Variants in POLR3B observed in about 807,000 individuals in gnomAD.
POLR3B encodes DNA-directed RNA polymerase III subunit RPC2.
A neutral mutation model predicts 147.4 loss-of-function variants in POLR3B; 96 were observed. That is an observed-to-expected ratio of 0.65 (90% CI 0.55 to 0.77). POLR3B has a LOEUF of 0.77. POLR3B is among the 30% of genes least tolerant of loss of function. The pLI is 0.00. For synonymous variants in POLR3B, 461 were observed against 485.9 expected, an observed-to-expected ratio of 0.95 and a Z score of 0.67; for missense variants, 1,036 against 1,413.5, an observed-to-expected ratio of 0.73 and a Z score of 4.28.
At chr12:106,426,059 T>C (rs910564938) in intron 12 of POLR3B, among the ~76,000 whole-genome samples, 2 of 152,168 alleles carry the variant, frequency 1.3e-5, no homozygotes, top group African/African-American at 4.8e-5. Context: ...ATTATTTGTA[T>C]GGTTTCCAGA....
chr12:106,427,821 C>G (rs1239357250), intron 13 of POLR3B, among the ~76,000 whole-genome samples: 2 of 152,152 alleles, frequency 1.3e-5, no homozygotes, highest in African/African-American at 4.8e-5. Flanking sequence ...CAGTTCTCGG[C>G]AGCTGCTGTG....
chr12:106,369,239 G>A, intron 4 of POLR3B, 36 bp from the exon 5 acceptor site: 2 of 1,074,324 alleles, frequency 1.9e-6, no homozygotes, highest in East Asian at 2.4e-5. Flanking sequence ...GATCTTCGAA[G>A]AAGTATAATT....
intron 23 of POLR3B, among the ~76,000 whole-genome samples, chr12:106,492,612 A>G (rs963936609): frequency 6.6e-6 from 1 of 152,232 alleles, no homozygotes; most frequent in African/African-American, 2.4e-5. Flanking sequence ...GAGCAAGCCT[A>G]TTCTTAAATG....
At chr12:106,462,328 A>G (rs1324371587) in intron 22 of POLR3B, among the ~76,000 whole-genome samples, 2 of 151,890 alleles carry the variant, frequency 1.3e-5, no homozygotes, top group Non-Finnish European at 2.9e-5. Flanking sequence ...GCTCACTGCA[A>G]CCTCCACCTC....
intron 19 of POLR3B, among the ~76,000 whole-genome samples, chr12:106,445,406 G>A (rs1263405905): frequency 6.6e-6 from 1 of 152,186 alleles, no homozygotes; most frequent in Non-Finnish European, 1.5e-5. Flanking sequence ...GCTGAGCTGA[G>A]TCTTGGAAGA....
rs1027604328 is a variant in POLR3B at position 106,501,423 on chromosome 12, G to A, written c.3085G>A (p.Ala1029Thr). The change falls in exon 26 of 28, where the codon GCC (alanine) becomes ACC (threonine). Residue 1029 changes from alanine (A) to threonine (T), a missense_variant. By Grantham distance (58) the Ala-to-Thr change is moderately conservative. Coordinates refer to ENST00000228347, the MANE Select transcript of POLR3B (RefSeq NM_018082.6). ...KMHARARGPR[A>T]VLTRQPTEGR... ...GCATGCCCGGGCCCGGGGCCCACGA[G>A]CCGTCCTTACCAGGTAAGAGAAAAG... 1 of 1,603,656 alleles carries A rather than the reference G, an allele frequency of 6.2e-7. No individual in the cohort carries two copies. Among genetic ancestry groups the A allele is most frequent in the Non-Finnish European group, 8.5e-7 (1 of 1,170,446 alleles).
At position 106,376,431 on chromosome 12, in the gene POLR3B, C is replaced by T. The variant is rs771392826; in HGVS notation, c.477C>T (p.Asn159=). The T allele has an allele frequency of 5.6e-6, 9 of 1,611,676 alleles. No homozygotes were observed. The highest frequency in any genetic ancestry group is 5.0e-5 in the Admixed American group (3 of 59,992). Residue 159 remains asparagine, a synonymous_variant, in exon 7 of 28, where the codon AAC becomes AAT. Coordinates refer to ENST00000228347, the MANE Select transcript of POLR3B (RefSeq NM_018082.6). ...GKTPAEFAKL[N]ECPLDPGGYF... ...CGCCAGCAGAATTTGCCAAACTGAA[C>T]GAATGTCCCTTAGATCCAGGTATGT...
At chr12:106,416,992 CTG>C (rs908128692) in intron 12 of POLR3B, among the ~76,000 whole-genome samples, 1 of 152,212 alleles carries the variant, frequency 6.6e-6, no homozygotes, top group African/African-American at 2.4e-5. Flanking sequence ...CTCTCTGAAA[CTG>C]TGACCTCCTA....
At chr12:106,411,727 G>C (rs1046503487) in intron 12 of POLR3B, among the ~76,000 whole-genome samples, 1 of 152,102 alleles carries the variant, frequency 6.6e-6, no homozygotes, top group East Asian at 1.9e-4. Flanking sequence ...ACATGGTAGA[G>C]GTAGGTTAGT....
rs747184457 is a variant in POLR3B, at chr12:106,437,691, G to T, written c.1867G>T (p.Asp623Tyr). ...ELAQGYRNFE[D>Y]FLHESLVEYL... is the part of the protein sequence containing the mutation. ...CCAATATTTTCCCAGGAATTTTGAA[G>T]ATTTCTTACATGAGAGTCTGGTTGA... The change falls in exon 18 of 28, where the codon GAT becomes TAT. Residue 623 changes from aspartate to tyrosine, a missense_variant. Transcript: ENST00000228347. The T allele has an allele frequency of 6.3e-7, 1 of 1,587,014 alleles. No individual in the cohort carries two copies. The highest frequency in any genetic ancestry group is 1.7e-5 in the Admixed American group (1 of 59,926).
intron 23 of POLR3B, among the ~76,000 whole-genome samples, chr12:106,490,937 T>C (rs1281866183): frequency 1.3e-5 from 2 of 152,182 alleles, no homozygotes; most frequent in Non-Finnish European, 2.9e-5. Context: ...GTGAAAGTTA[T>C]CAGGAGACAG....
intron 23 of POLR3B, among the ~76,000 whole-genome samples, chr12:106,481,936 GGTTT>G (rs879601188): frequency 6.6e-5 from 10 of 151,850 alleles, no homozygotes; most frequent in African/African-American, 2.2e-4. Flanking sequence ...AGACTTCTTG[GGTTT>G]GTTTGTTTGT....
intron 6 of POLR3B, among the ~76,000 whole-genome samples, chr12:106,375,342 C>T (rs921640963): frequency 6.6e-6 from 1 of 152,120 alleles, no homozygotes; most frequent in Non-Finnish European, 1.5e-5. Context: ...GCAGATGTTA[C>T]CGTGAGGATT....
intron 23 of POLR3B, among the ~76,000 whole-genome samples, chr12:106,482,689 C>G (rs1290488166): frequency 6.6e-6 from 1 of 152,126 alleles, no homozygotes; most frequent in Non-Finnish European, 1.5e-5. Flanking sequence ...AACCATATCA[C>G]TTAGGTAAGT....
At chr12:106,397,191 T>C (rs999510272) in intron 10 of POLR3B, among the ~76,000 whole-genome samples, 4 of 151,844 alleles carry the variant, frequency 2.6e-5, no homozygotes, top group Non-Finnish European at 4.4e-5. Context: ...TCTTTAAACA[T>C]TGTTGATTAG....
In POLR3B at chr12:106,501,447, A is replaced by C; in HGVS notation, c.3098+11A>C. The C allele has an allele frequency of 6.7e-7, 1 of 1,488,274 alleles. No individual in the cohort carries two copies. The highest frequency in any genetic ancestry group is 9.4e-7 in the Non-Finnish European group (1 of 1,065,210). 92.2% of individuals were successfully genotyped at this position (1,488,274 alleles called of 1,614,324 possible). ...AGCCGTCCTTACCAGGTAAGAGAAA[A>C]GTACTTACAAAAAGAATTGATAATG... On this transcript the variant is annotated intron_variant, in intron 26 of 27. Transcript: ENST00000228347.
intron 23 of POLR3B, among the ~76,000 whole-genome samples, chr12:106,489,602 G>T (rs2038382955): frequency 6.6e-6 from 1 of 152,194 alleles, no homozygotes; most frequent in African/African-American, 2.4e-5. Flanking sequence ...CTTGTGGGAA[G>T]TAAGAAAATG....
At chr12:106,478,205 C>A (rs1468808657) in intron 23 of POLR3B, among the ~76,000 whole-genome samples, 1 of 152,026 alleles carries the variant, frequency 6.6e-6, no homozygotes, top group Non-Finnish European at 1.5e-5. Flanking sequence ...CCATGCCCGG[C>A]CAAAGCAGTG....
chr12:106,391,036 G>C (rs896533897), intron 9 of POLR3B, among the ~76,000 whole-genome samples: 2 of 152,186 alleles, frequency 1.3e-5, no homozygotes, highest in Non-Finnish European at 2.9e-5. Context: ...GGCAACATAA[G>C]CAAGACCGCT....
Sources: allele counts gnomAD v4.1 joint callset (sites outside exome capture counted in the v4.1 genomes callset), GRCh38; gene constraint gnomAD v4.1.1; transcripts MANE v1.5; gene names NCBI Gene and HGNC (gene_info 2026-07-23, HGNC 2026-07-21).